Variants in TNFSF13B observed in about 807,000 individuals in gnomAD.
TNFSF13B encodes the protein TNF superfamily member 13b.
A neutral mutation model predicts 29.1 loss-of-function variants in TNFSF13B; 8 were observed. The observed-to-expected ratio is 0.27, with a 90% CI of 0.16 to 0.50. The LOEUF (loss-of-function observed/expected upper bound fraction) is 0.50. TNFSF13B is among the 20% of genes least tolerant of loss of function. TNFSF13B has a pLI of 0.98. For synonymous variants in TNFSF13B, 125 were observed against 130.8 expected (o/e 0.96, Z 0.30); for missense variants, 248 against 334.9 (o/e 0.74, Z 2.03).
chr13:108,282,977 C>T (rs1189333130), intron 2 of TNFSF13B, among the ~76,000 whole-genome samples: 1 of 152,162 alleles, frequency 6.6e-6, no homozygotes, highest in African/African-American at 2.4e-5. Context: ...TAATTACTAT[C>T]AAATTGTGTT....
intron 3 of TNFSF13B, chr13:108,301,196 C>A (rs1236317595): frequency 1.3e-5 from 2 of 152,124 alleles, no homozygotes; most frequent in African/African-American, 4.8e-5. Context: ...AATCCCACTA[C>A]CAAGTATATA....
intron 3 of TNFSF13B, among the ~76,000 whole-genome samples, chr13:108,288,290 A>G (rs1304643530): frequency 6.6e-6 from 1 of 152,184 alleles, no homozygotes; most frequent in Non-Finnish European, 1.5e-5. Context: ...CAATATTTTA[A>G]TTACTGTATG....
At chr13:108,290,783 T>G (rs1170372197) in intron 3 of TNFSF13B, among the ~76,000 whole-genome samples, 1 of 152,198 alleles carries the variant, frequency 6.6e-6, no homozygotes, top group East Asian at 1.9e-4. Flanking sequence ...TGTCAATTTT[T>G]TTAAAGGATT....
At chr13:108,286,242 C>T (rs1196845748) in intron 2 of TNFSF13B, among the ~76,000 whole-genome samples, 6 of 152,258 alleles carry the variant, frequency 3.9e-5, no homozygotes, top group East Asian at 1.9e-4. Flanking sequence ...TTGCACTTTC[C>T]GAGCCTTAGT....
rs370591779 is a variant in TNFSF13B at position 108,270,340 on chromosome 13, A to T, written c.340A>T (p.Ile114Phe). The T allele has an allele frequency of 7.4e-6, 12 of 1,614,024 alleles. No homozygotes were observed. The African/African-American group carries it at 1.3e-4, about 18-fold the overall frequency. ...EAPAVTAGLK[I>F]FEPPAPGEGN... ...TAACTTGAAGTTTTTCTGTTCATAG[A>T]TCTTTGAACCACCAGCTCCAGGAGA... The change falls in exon 2 of 6, where the codon ATC becomes TTC. Residue 114 changes from isoleucine (I) to phenylalanine (F), a missense_variant and splice_region_variant. Coordinates refer to ENST00000375887, the MANE Select transcript of TNFSF13B (RefSeq NM_006573.5).
intron 3 of TNFSF13B, among the ~76,000 whole-genome samples, chr13:108,300,882 A>G (rs977798476): frequency 6.6e-6 from 1 of 152,202 alleles, no homozygotes; most frequent in Non-Finnish European, 1.5e-5. Context: ...TGATCCACCC[A>G]TAGATCCTCC....
At chr13:108,299,124 T>C (rs1265503134) in intron 3 of TNFSF13B, among the ~76,000 whole-genome samples, 3 of 146,486 alleles carry the variant, frequency 2.0e-5, no homozygotes, top group African/African-American at 7.7e-5. Flanking sequence ...TTACATATTT[T>C]GTTGGATTAT....
chr13:108,278,723 C>A (rs1880847038), intron 2 of TNFSF13B, among the ~76,000 whole-genome samples: 1 of 150,722 alleles, frequency 6.6e-6, no homozygotes, highest in African/African-American at 2.5e-5. Flanking sequence ...TCTTCCTCCT[C>A]CTCCTCCTTC....
intron 3 of TNFSF13B, chr13:108,302,781 C>T: frequency 2.0e-6 from 2 of 985,072 alleles, no homozygotes; most frequent in Non-Finnish European, 2.4e-6. Flanking sequence ...CGTAGGCTCC[C>T]TTCTGTTGCC....
intron 2 of TNFSF13B, 71 bp from the exon 3 acceptor site, chr13:108,286,732 C>T: frequency 9.9e-7 from 1 of 1,007,410 alleles, no homozygotes; most frequent in African/African-American, 1.6e-5. Context: ...GAGTGGGTTT[C>T]TAGCTTTGTG....
In TNFSF13B at chr13:108,307,773, A is replaced by C. The variant is rs1881820795; in HGVS notation, c.*835A>C. 6.6e-6 allele frequency: 1 copy of C among 152,100 alleles called. No homozygotes were observed. The highest frequency in any genetic ancestry group is 2.4e-5 in the African/African-American group (1 of 41,446). 9.4% of individuals were successfully genotyped at this position (152,100 alleles called of 1,614,324 possible). The stretch of plus-strand genomic sequence containing the variant: ...ACATAATCTCCAACAGAAGTTACTG[A>C]ATACATTCATACTAATGTAATGTAA... On this transcript the variant is annotated 3_prime_UTR_variant, in exon 6 of 6. Transcript: ENST00000375887.
intron 2 of TNFSF13B, among the ~76,000 whole-genome samples, chr13:108,279,285 G>C (rs1880864326): frequency 6.6e-6 from 1 of 152,172 alleles, no homozygotes; most frequent in Non-Finnish European, 1.5e-5. Flanking sequence ...AATCTAGGGA[G>C]AGAAACAGTT....
At chr13:108,281,926 T>C (rs575737651) in intron 2 of TNFSF13B, among the ~76,000 whole-genome samples, 1 of 152,214 alleles carries the variant, frequency 6.6e-6, no homozygotes, top group Non-Finnish European at 1.5e-5. Flanking sequence ...GTTTTTTTTT[T>C]CTAGTTAACA....
chr13:108,269,711 G>A, upstream of TNFSF13B: 1 of 599,284 alleles, frequency 1.7e-6, no homozygotes. Context: ...CAAACCTACT[G>A]TACAGTAGGG....
At chr13:108,272,966 T>C (rs1880661828) in intron 2 of TNFSF13B, among the ~76,000 whole-genome samples, 1 of 152,146 alleles carries the variant, frequency 6.6e-6, no homozygotes, top group Admixed American at 6.5e-5. Context: ...CTCCTATTAA[T>C]ACTTTTATGT....
chr13:108,285,065 T>C (rs1171220754), intron 2 of TNFSF13B, among the ~76,000 whole-genome samples: 3 of 152,310 alleles, frequency 2.0e-5, no homozygotes, highest in African/African-American at 4.8e-5. Context: ...CTTTCTTGTA[T>C]AAGATTAATA....
intron 3 of TNFSF13B, among the ~76,000 whole-genome samples, chr13:108,288,920 C>A (rs961168423): frequency 3.3e-5 from 5 of 152,062 alleles, no homozygotes; most frequent in Non-Finnish European, 7.4e-5. Context: ...GTAATGATTC[C>A]CTGGCATGCT....
chr13:108,299,411 T>A (rs1365981401), intron 3 of TNFSF13B, among the ~76,000 whole-genome samples: 2 of 111,980 alleles, frequency 1.8e-5, no homozygotes, highest in Non-Finnish European at 4.1e-5. Flanking sequence ...TCAAAATTAC[T>A]CCCATCCTCA....
intron 2 of TNFSF13B, among the ~76,000 whole-genome samples, chr13:108,278,628 T>C (rs1880832534): frequency 8.3e-6 from 1 of 120,684 alleles, no homozygotes; most frequent in African/African-American, 3.5e-5. Context: ...TTCCTCCTCC[T>C]CCCTTTCCTC....
Sources: allele counts gnomAD v4.1 joint callset (sites outside exome capture counted in the v4.1 genomes callset), GRCh38; gene constraint gnomAD v4.1.1; transcripts MANE v1.5; gene names NCBI Gene and HGNC (gene_info 2026-07-23, HGNC 2026-07-21).